Variants in NKAPD1 observed in about 807,000 individuals in gnomAD.
NKAPD1 encodes uncharacterized protein NKAPD1.
Under a neutral mutation model 30.9 loss-of-function variants are expected in NKAPD1, and 12 were observed. The ratio of observed to expected loss-of-function variants is 0.39; its 90% CI spans 0.25 to 0.63. The LOEUF is 0.63. Among genes scored for constraint, NKAPD1 ranks in the 20% least tolerant of loss-of-function variants. NKAPD1 has a pLI of 0.51. For missense variants in NKAPD1, 311 were observed against 344.5 expected (o/e 0.90, Z 0.77); for synonymous variants, 91 against 113.6 (o/e 0.80, Z 1.26).
Position 112,082,564 on chromosome 11 carries a change from C to T in NKAPD1, c.474C>T (p.His158=). The T allele has an allele frequency of 6.2e-7, 1 of 1,608,272 alleles. No homozygotes were observed. The highest frequency in any genetic ancestry group is 2.2e-5 in the East Asian group (1 of 44,768). ...AACACAAGAAGTCAAAGAAATCCCACAAAAAAAAGCAGAAAAAAAGGTCAC... is the reference window on the plus strand; with the variant it reads ...AACACAAGAAGTCAAAGAAATCCCATAAAAAAAAGCAGAAAAAAAGGTCAC... ...SRKHKKSKKS[H]KKKQKKRSHK... is the part of the protein sequence containing the mutation. Residue 158 remains histidine, a synonymous_variant, in exon 6 of 6, where the codon CAC becomes CAT. Coordinates refer to ENST00000393047, the MANE Select transcript of NKAPD1 (RefSeq NM_018195.4).
chr11:112,080,625 TC>T, intron 4 of NKAPD1, 67 bp downstream of exon 4: 1 of 1,541,472 alleles, frequency 6.5e-7, no homozygotes, highest in Non-Finnish European at 8.7e-7. Context: ...AAATTAATTG[TC>T]CCCACAAAAA....
At chr11:112,079,671 A>G (rs1865403574) in intron 3 of NKAPD1, among the ~76,000 whole-genome samples, 1 of 152,172 alleles carries the variant, frequency 6.6e-6, no homozygotes, top group South Asian at 2.1e-4. Flanking sequence ...CCTTGCTATG[A>G]TTATGTTCTG....
At chr11:112,080,368 AT>A in intron 3 of NKAPD1, 40 bp from the exon 4 acceptor site, 2 of 1,605,824 alleles carry the variant, frequency 1.2e-6, no homozygotes, top group Non-Finnish European at 1.7e-6. Flanking sequence ...AAACTCACAG[AT>A]TGCTTTTACA....
chr11:112,081,885 T>TTGTGTA (rs1204907118), intron 4 of NKAPD1, 97 bp from the exon 5 acceptor site: 1 of 912,146 alleles, frequency 1.1e-6, no homozygotes, highest in Non-Finnish European at 1.8e-6. Flanking sequence ...GTGTTTATGT[T>TTGTGTA]TGTGTATGCA....
In NKAPD1 at chr11:112,074,328, T is replaced by G; in HGVS notation, c.-597T>G. On this transcript the variant is annotated 5_prime_UTR_variant, in exon 1 of 6. Coordinates refer to ENST00000393047, the MANE Select transcript of NKAPD1 (RefSeq NM_018195.4). Reference sequence around the variant, plus strand: ...TTCTCCCAAACCACTTCTTCCCCCCTACCCCCCGCCACGCGAGGCTGCGGC... The same window carrying G: ...TTCTCCCAAACCACTTCTTCCCCCCGACCCCCCGCCACGCGAGGCTGCGGC... The G allele has an allele frequency of 2.5e-6, 1 of 399,092 alleles. No homozygotes were observed. The highest frequency in any genetic ancestry group is 4.4e-6 in the Non-Finnish European group (1 of 226,194). The allele number at this position is 399,092 out of a possible 1,614,324, so 24.7% of individuals were successfully genotyped here. A position where few individuals can be genotyped will look rare whatever the true frequency, so the allele number is the denominator to read the frequency against.
intron 5 of NKAPD1, 95 bp downstream of exon 5, chr11:112,082,130 C>G: frequency 9.5e-7 from 1 of 1,055,212 alleles, no homozygotes; most frequent in East Asian, 2.5e-5. Flanking sequence ...TACTTGCCAT[C>G]AAAAATGTAG....
chr11:112,082,058 A>G (rs745505448), intron 5 of NKAPD1, 23 bp downstream of exon 5: 21 of 1,561,476 alleles, frequency 1.3e-5, no homozygotes, highest in Non-Finnish European at 1.6e-5. Flanking sequence ...GGCTTACTGA[A>G]AGAAACTAAG....
rs1017408830 is a variant in NKAPD1 at position 112,085,035 on chromosome 11, T to A, written c.*2063T>A. 8.6e-5 allele frequency: 28 copies of A among 325,600 alleles called. No individual in the cohort carries two copies. The Middle Eastern group carries it at 5.4e-3, about 62-fold the overall frequency. The allele number at this position is 325,600 out of a possible 1,614,324, so 20.2% of individuals were successfully genotyped here. The stretch of plus-strand genomic sequence containing the variant: ...TGTTCCTGCCAATCAGAGATCTCTA[T>A]ATTAAATTCTAAAATGGGATTAAAA... On this transcript the variant is annotated 3_prime_UTR_variant, in exon 6 of 6. Coordinates refer to ENST00000393047, the MANE Select transcript of NKAPD1 (RefSeq NM_018195.4).
Position 112,084,333 on chromosome 11 carries a change from C to G in NKAPD1, c.*1361C>G, listed in dbSNP as rs1566682381. ...TTTAGTTCTAACTGCTAAATTTGTTCTCTTTACGGGACAGATTTCTAATAA... is the reference window on the plus strand; with the variant it reads ...TTTAGTTCTAACTGCTAAATTTGTTGTCTTTACGGGACAGATTTCTAATAA... On this transcript the variant is annotated 3_prime_UTR_variant, in exon 6 of 6. Transcript: ENST00000393047. The G allele has an allele frequency of 6.6e-6, 1 of 152,600 alleles. No homozygotes were observed. Among genetic ancestry groups the G allele is most frequent in the Non-Finnish European group, 1.5e-5 (1 of 68,042 alleles). 9.5% of individuals were successfully genotyped at this position (152,600 alleles called of 1,614,324 possible). A position where few individuals can be genotyped will look rare whatever the true frequency, so the allele number is the denominator to read the frequency against.
chr11:112,080,315 C>T (rs954695300), intron 3 of NKAPD1, 94 bp from the exon 4 acceptor site: 13 of 1,267,410 alleles, frequency 1.0e-5, no homozygotes, highest in Non-Finnish European at 1.4e-5. Flanking sequence ...TTCCTTCCCC[C>T]TCAGCTTGTT....
Position 112,083,346 on chromosome 11 carries a change from G to T in NKAPD1, c.*374G>T. 1 of 166,336 alleles carries T rather than the reference G, an allele frequency of 6.0e-6. No individual in the cohort carries two copies. The allele number at this position is 166,336 out of a possible 1,614,324, so 10.3% of individuals were successfully genotyped here. On this transcript the variant is annotated 3_prime_UTR_variant, in exon 6 of 6. Coordinates refer to ENST00000393047, the MANE Select transcript of NKAPD1 (RefSeq NM_018195.4). Reference sequence around the variant, plus strand: ...AAGGGCTGGGATCAAGAGGTGGATTGGAACTAATGCCATGTAGGATGGTAT... The same window carrying T: ...AAGGGCTGGGATCAAGAGGTGGATTTGAACTAATGCCATGTAGGATGGTAT...
chr11:112,082,982 A>G lies in NKAPD1; in HGVS notation c.*10A>G. ...CTCAGAGGATGACTAAATGGGAAAC[A>G]CTTTTGTTTTCCACATGACTGTGGA... is the stretch of plus-strand genomic sequence containing the variant. On this transcript the variant is annotated 3_prime_UTR_variant, in exon 6 of 6. Coordinates refer to ENST00000393047, the MANE Select transcript of NKAPD1 (RefSeq NM_018195.4). The G allele has an allele frequency of 6.3e-7, 1 of 1,577,692 alleles. No individual in the cohort carries two copies. The highest frequency in any genetic ancestry group is 1.2e-5 in the South Asian group (1 of 84,808).
chr11:112,082,376 C>T (rs540321488), intron 5 of NKAPD1, 89 bp from the exon 6 acceptor site: 7 of 1,149,250 alleles, frequency 6.1e-6, no homozygotes, highest in South Asian at 6.1e-5. Context: ...CAGATGTTAA[C>T]CTCAATTTTT....
Position 112,083,110 on chromosome 11 carries a change from CTT to C in NKAPD1, c.*139_*140del. ...GCCATCTGTATGTTCTGACAGACGTCTTGTCTTCTATTTTGGCGTTAAGCTTG... is the reference window on the plus strand; with the variant it reads ...GCCATCTGTATGTTCTGACAGACGTCGTCTTCTATTTTGGCGTTAAGCTTG... On this transcript the variant is annotated 3_prime_UTR_variant, in exon 6 of 6. Transcript: ENST00000393047. 2 of 822,454 alleles carry C rather than the reference CTT, an allele frequency of 2.4e-6. No homozygotes were observed. Among genetic ancestry groups the C allele is most frequent in the Non-Finnish European group, 3.5e-6 (2 of 570,986 alleles). 50.9% of individuals were successfully genotyped at this position (822,454 alleles called of 1,614,324 possible). A position where few individuals can be genotyped will look rare whatever the true frequency, so the allele number is the denominator to read the frequency against.
intron 2 of NKAPD1, among the ~76,000 whole-genome samples, chr11:112,075,849 A>G (rs1178354094): frequency 6.6e-6 from 1 of 152,252 alleles, no homozygotes; most frequent in Non-Finnish European, 1.5e-5. Context: ...GATATTTGCA[A>G]AGTGCTTTGG....
At chr11:112,075,861 GC>G (rs773218479) in intron 2 of NKAPD1, among the ~76,000 whole-genome samples, 10 of 151,672 alleles carry the variant, frequency 6.6e-5, no homozygotes, top group Non-Finnish European at 1.0e-4. Flanking sequence ...GTGCTTTGGA[GC>G]ACTAAGGAGG....
At chr11:112,081,905 A>G (rs1036803331) in intron 4 of NKAPD1, 77 bp from the exon 5 acceptor site, 22 of 1,195,396 alleles carry the variant, frequency 1.8e-5, no homozygotes, top group South Asian at 1.4e-4. Context: ...ATGTACTCCA[A>G]AGTCTTTCTA....
At chr11:112,081,503 T>A (rs1330057173) in intron 4 of NKAPD1, 1 of 155,846 alleles carries the variant, frequency 6.4e-6, no homozygotes, top group Non-Finnish European at 1.4e-5. Flanking sequence ...CATGGTAGCA[T>A]GTGCCTGTAG....
rs1566680591 is a variant in NKAPD1 at position 112,083,530 on chromosome 11, T to G, written c.*558T>G. 6.5e-6 allele frequency: 1 copy of G among 152,750 alleles called. No individual in the cohort carries two copies. 9.5% of individuals were successfully genotyped at this position (152,750 alleles called of 1,614,324 possible). A position where few individuals can be genotyped will look rare whatever the true frequency, so the allele number is the denominator to read the frequency against. On this transcript the variant is annotated 3_prime_UTR_variant, in exon 6 of 6. Transcript: ENST00000393047. ...CCTAAGAACAAACCTTTTCCCTTCA[T>G]GATAACATCCATAGACAACTTATTA...
Sources: gnomAD v4.1 joint callset for allele counts (sites outside exome capture counted in the v4.1 genomes callset) on GRCh38, gnomAD v4.1.1 for gene constraint, MANE v1.5 for transcripts, NCBI Gene and HGNC (gene_info 2026-07-23, HGNC 2026-07-21) for gene names.